CACNA2D2: variants seen among roughly 807,000 people sequenced by gnomAD.
CACNA2D2 encodes calcium voltage-gated channel auxiliary subunit alpha2delta 2, also known as voltage-dependent calcium channel subunit alpha-2/delta-2.
Under a neutral mutation model 166.4 loss-of-function variants are expected in CACNA2D2, and 48 were observed. The ratio of observed to expected loss-of-function variants is 0.29; its 90% CI spans 0.23 to 0.37. The LOEUF (loss-of-function observed/expected upper bound fraction) is 0.37. Among genes scored for constraint, CACNA2D2 ranks in the 10% least tolerant of loss-of-function variants. The pLI is 1.00. For missense variants in CACNA2D2, 1,122 were observed against 1,433.0 expected (o/e 0.78, Z 3.50); for synonymous variants, 561 against 573.7 (o/e 0.98, Z 0.32).
At chr3:50,488,163 T>C (rs1177743012) in intron 1 of CACNA2D2, among the ~76,000 whole-genome samples, 2 of 152,128 alleles carry the variant, frequency 1.3e-5, no homozygotes, top group Admixed American at 6.5e-5. Flanking sequence ...GGCCCAGCAG[T>C]GGGCTCCACA....
chr3:50,396,273 A>G (rs1204190696), intron 3 of CACNA2D2, among the ~76,000 whole-genome samples: 1 of 151,290 alleles, frequency 6.6e-6, no homozygotes, highest in Non-Finnish European at 1.5e-5. Context: ...CCTCCTGTGC[A>G]CCCCCAGCTC....
chr3:50,495,145 G>T (rs1466493019), intron 1 of CACNA2D2, among the ~76,000 whole-genome samples: 3 of 152,202 alleles, frequency 2.0e-5, no homozygotes, highest in Admixed American at 6.5e-5. Context: ...CCCCCATCTT[G>T]GGCCTCAGTT....
At position 50,376,215 on chromosome 3, in the gene CACNA2D2, G is replaced by A. The variant is rs1313880975; in HGVS notation, c.1627-27C>T. ...TGGAGGCACAGATTGGGGGCTCAGG[G>A]TCTGGAGGGATGGGCTGGGGTTCCC... is the stretch of plus-strand genomic sequence containing the variant. On this transcript the variant is annotated intron_variant, in intron 17 of 37. Coordinates refer to ENST00000424201, the MANE Select transcript of CACNA2D2 (RefSeq NM_006030.4). The surrounding 1 kb of genome is among the most constrained non-coding windows in gnomAD (Gnocchi z 4.3). 3 of 1,611,512 alleles carry A rather than the reference G, an allele frequency of 1.9e-6. No homozygotes were observed. The highest frequency in any genetic ancestry group is 2.7e-5 in the African/African-American group (2 of 74,960).
chr3:50,425,520 G>A (rs1429646413), intron 3 of CACNA2D2, among the ~76,000 whole-genome samples: 4 of 152,116 alleles, frequency 2.6e-5, no homozygotes, highest in Admixed American at 6.5e-5. Flanking sequence ...CCTGGCCACC[G>A]GCTCGCCCTT....
chr3:50,443,599 G>A (rs925759965), intron 2 of CACNA2D2, among the ~76,000 whole-genome samples: 1 of 152,156 alleles, frequency 6.6e-6, no homozygotes, highest in Admixed American at 6.5e-5. Context: ...TCACCACCTT[G>A]TGCAGCCCTG....
At chr3:50,482,698 G>A (rs1221512899) in intron 1 of CACNA2D2, among the ~76,000 whole-genome samples, 1 of 152,172 alleles carries the variant, frequency 6.6e-6, no homozygotes, top group East Asian at 1.9e-4. Flanking sequence ...CTTAGACTGT[G>A]GCCTCCAGGT....
intron 2 of CACNA2D2, among the ~76,000 whole-genome samples, chr3:50,459,782 C>T (rs1709516263): frequency 6.6e-6 from 1 of 152,228 alleles, no homozygotes; most frequent in Non-Finnish European, 1.5e-5. Flanking sequence ...GAACTGCTCA[C>T]TGCTGCACCC....
chr3:50,377,454 G>A lies in CACNA2D2; in HGVS notation c.1626+13C>T. 6.2e-7 allele frequency: 1 copy of A among 1,608,462 alleles called. No homozygotes were observed. The highest frequency in any genetic ancestry group is 8.5e-7 in the Non-Finnish European group (1 of 1,175,972). ...GGGAGGCAGGGTACGCGGATGGGCA[G>A]GGGGATGCTCACCGTGTAGTTGGGG... On this transcript the variant is annotated intron_variant, in intron 17 of 37. Transcript: ENST00000424201.
At position 50,425,017 on chromosome 3, in the gene CACNA2D2, C is replaced by T. The variant is rs558849811; in HGVS notation, c.405+9296G>A. ...GGTACCCACTGCCACAGAGAGGCAT[C>T]GCTCGCTATGTATTTTAAGGCACAG... On this transcript the variant is annotated intron_variant, in intron 3 of 37. Transcript: ENST00000424201. Among the ~76,000 whole-genome samples, 8 of 152,268 alleles carry T rather than the reference C, an allele frequency of 5.3e-5. No individual in the cohort carries two copies. In the South Asian group the frequency reaches 8.3e-4, roughly 16 times the overall value.
chr3:50,471,700 C>T (rs1710104817), intron 2 of CACNA2D2, among the ~76,000 whole-genome samples: 1 of 151,748 alleles, frequency 6.6e-6, no homozygotes, highest in African/African-American at 2.4e-5. Context: ...AAGGCACCTG[C>T]AGAGTGGCCC....
intron 2 of CACNA2D2, among the ~76,000 whole-genome samples, chr3:50,471,645 C>A (rs750746088): frequency 3.3e-5 from 5 of 152,108 alleles, no homozygotes; most frequent in African/African-American, 9.7e-5. Context: ...TTGGTGGTGC[C>A]GGCTGAGGTG....
rs763772019 is a variant in CACNA2D2 at position 50,376,143 on chromosome 3, C to T, written c.1672G>A (p.Val558Met). The change falls in exon 18 of 38, where the codon GTG becomes ATG. Residue 558 changes from valine (V) to methionine (M), a missense_variant. Val to Met is a conservative substitution (Grantham distance 21). Around this residue, in one of 2 missense-constraint regions of CACNA2D2, gnomAD observed 840 missense variants for 1,166.8 expected, o/e 0.72. Transcript: ENST00000424201. This position sits in a 1 kb window ranked among gnomAD's most constrained non-coding sequence, Gnocchi z 4.3. ...GGCTTGAGATTGGGGTGCAGCAACA[C>T]GTAGCCGTTCAGGTCAATGGCAAAC... ...YVFAIDLNGY[V>M]LLHPNLKPQT... 5.1e-5 allele frequency: 83 copies of T among 1,613,538 alleles called. No homozygotes were observed. The highest frequency in any genetic ancestry group is 1.7e-4 in the Middle Eastern group (1 of 6,060).
chr3:50,406,650 C>T (rs1440899275), intron 3 of CACNA2D2, among the ~76,000 whole-genome samples: 1 of 151,756 alleles, frequency 6.6e-6, no homozygotes, highest in African/African-American at 2.4e-5. Flanking sequence ...CCATCAGCTC[C>T]ACCATCACTA....
intron 2 of CACNA2D2, among the ~76,000 whole-genome samples, chr3:50,470,956 G>A (rs916188268): frequency 1.3e-5 from 2 of 152,068 alleles, no homozygotes; most frequent in African/African-American, 2.4e-5. Context: ...CCATATGGAC[G>A]GAATAATAAG....
At chr3:50,476,419 GGAGA>G (rs1697769014) in intron 1 of CACNA2D2, among the ~76,000 whole-genome samples, 2 of 152,240 alleles carry the variant, frequency 1.3e-5, no homozygotes, top group Admixed American at 1.3e-4. Flanking sequence ...GTGGCGAGGA[GGAGA>G]GAGGATTGCA....
intron 2 of CACNA2D2, among the ~76,000 whole-genome samples, chr3:50,473,233 C>A (rs1444583798): frequency 6.6e-6 from 1 of 152,208 alleles, no homozygotes; most frequent in African/African-American, 2.4e-5. Context: ...CCAGCCTGCA[C>A]CCAGCCATGC....
At chr3:50,489,274 G>C (rs1440321541) in intron 1 of CACNA2D2, among the ~76,000 whole-genome samples, 3 of 152,180 alleles carry the variant, frequency 2.0e-5, no homozygotes, top group African/African-American at 7.2e-5. Context: ...GGGCCTTCTA[G>C]ATGGCCCCAT....
intron 3 of CACNA2D2, among the ~76,000 whole-genome samples, chr3:50,401,100 G>A (rs1169553068): frequency 6.6e-6 from 1 of 152,244 alleles, no homozygotes; most frequent in Non-Finnish European, 1.5e-5. Context: ...GCAAACAGAA[G>A]CCTGCAAGGA....
intron 3 of CACNA2D2, 59 bp from the exon 4 acceptor site, chr3:50,394,227 C>T (rs1160756936): frequency 3.8e-5 from 54 of 1,411,778 alleles, no homozygotes; most frequent in Non-Finnish European, 5.3e-5. Flanking sequence ...CCTATGCCCA[C>T]CCCAAAGCCT....
Sources: allele counts gnomAD v4.1 joint callset (sites outside exome capture counted in the v4.1 genomes callset), GRCh38; gene constraint gnomAD v4.1.1; regional missense constraint gnomAD v4.1.1; non-coding constraint Gnocchi (gnomAD v3.1); transcripts MANE v1.5; gene names NCBI Gene and HGNC (gene_info 2026-07-23, HGNC 2026-07-21).